The following ATG5 variants were observed in gnomAD, a reference collection of about 807,000 sequenced individuals.
ATG5 encodes the protein autophagy related 5.
A neutral mutation model predicts 36.5 loss-of-function variants in ATG5; 14 were observed. The observed-to-expected ratio is 0.38, with a 90% CI of 0.25 to 0.60. The LOEUF (loss-of-function observed/expected upper bound fraction) is 0.60, where lower values mean the gene tolerates loss of function less well. Among genes scored for constraint, ATG5 ranks in the 20% least tolerant of loss-of-function variants. The pLI is 0.60. For missense variants in ATG5, 195 were observed against 326.7 expected (o/e 0.60, Z 3.11); for synonymous variants, 95 against 101.5 (o/e 0.94, Z 0.38).
chr6:106,295,206 C>T (rs903965183), intron 3 of ATG5, among the ~76,000 whole-genome samples: 3 of 152,078 alleles, frequency 2.0e-5, no homozygotes, highest in Non-Finnish European at 4.4e-5. Flanking sequence ...GACCTTTTAA[C>T]GTCTTCAATT....
intron 1 of ATG5, among the ~76,000 whole-genome samples, chr6:106,323,260 CTTTT>C (rs71274321): frequency 1.4e-4 from 9 of 64,224 alleles, no homozygotes; most frequent in South Asian, 8.7e-4. Context: ...TGGAAAAGTC[CTTTT>C]TTTTTTTTTT....
At chr6:106,262,229 C>G (rs565000291) in intron 5 of ATG5, among the ~76,000 whole-genome samples, 1 of 152,110 alleles carries the variant, frequency 6.6e-6, no homozygotes, top group South Asian at 2.1e-4. Context: ...TGTGCCATGC[C>G]TAATTTTTAT....
At chr6:106,226,084 A>T (rs553369571) in intron 6 of ATG5, among the ~76,000 whole-genome samples, 1 of 152,276 alleles carries the variant, frequency 6.6e-6, no homozygotes, top group South Asian at 2.1e-4. Flanking sequence ...TCCAGTTATA[A>T]ATTGCTTGCC....
At chr6:106,271,319 G>C (rs1191286874) in intron 5 of ATG5, among the ~76,000 whole-genome samples, 1 of 152,140 alleles carries the variant, frequency 6.6e-6, no homozygotes, top group Non-Finnish European at 1.5e-5. Context: ...CAACATGATA[G>C]ATAAAGTGGT....
chr6:106,239,852 G>A (rs1044749341), intron 6 of ATG5, among the ~76,000 whole-genome samples: 2 of 152,184 alleles, frequency 1.3e-5, no homozygotes, highest in African/African-American at 4.8e-5. Context: ...GAATCACACA[G>A]TTTCAACAGA....
chr6:106,301,110 T>G (rs1770189241), intron 3 of ATG5, among the ~76,000 whole-genome samples: 1 of 152,002 alleles, frequency 6.6e-6, no homozygotes, highest in Non-Finnish European at 1.5e-5. Context: ...AATAAGAAAC[T>G]TCACCCCTTA....
intron 1 of ATG5, among the ~76,000 whole-genome samples, chr6:106,317,808 C>T (rs529077246): frequency 1.2e-4 from 19 of 152,296 alleles, no homozygotes; most frequent in Admixed American, 6.5e-4. Context: ...GACCTCACTA[C>T]GTCCTGATTA....
intron 2 of ATG5, among the ~76,000 whole-genome samples, chr6:106,313,557 G>A (rs937450746): frequency 3.9e-5 from 6 of 151,956 alleles, no homozygotes; most frequent in Non-Finnish European, 8.8e-5. Context: ...GAACATAAAC[G>A]AAAAAATACA....
chr6:106,227,454 A>G (rs1045784300), intron 6 of ATG5, among the ~76,000 whole-genome samples: 3 of 152,092 alleles, frequency 2.0e-5, no homozygotes, highest in Non-Finnish European at 2.9e-5. Flanking sequence ...AGATTGGCTG[A>G]ATGTGGTGGT....
At chr6:106,310,835 A>G (rs1770619122) in intron 2 of ATG5, among the ~76,000 whole-genome samples, 1 of 152,170 alleles carries the variant, frequency 6.6e-6, no homozygotes, top group African/African-American at 2.4e-5. Context: ...TTCACTTAAC[A>G]TATGTCTTCA....
intron 5 of ATG5, among the ~76,000 whole-genome samples, chr6:106,251,894 G>A (rs1005084472): frequency 2.6e-5 from 4 of 151,902 alleles, no homozygotes; most frequent in African/African-American, 4.8e-5. Context: ...CAGCTGGAGT[G>A]CAGTGGCGAG....
chr6:106,233,616 G>A (rs1011626447), intron 6 of ATG5, among the ~76,000 whole-genome samples: 3 of 152,108 alleles, frequency 2.0e-5, no homozygotes, highest in East Asian at 1.9e-4. Context: ...GGGTAGTGGC[G>A]GCAGTAGCAG....
chr6:106,267,912 T>G (rs957645403), intron 5 of ATG5, among the ~76,000 whole-genome samples: 7 of 152,182 alleles, frequency 4.6e-5, no homozygotes, highest in Non-Finnish European at 2.9e-5. Context: ...GGTAATACCA[T>G]TCAGGACATA....
intron 4 of ATG5, among the ~76,000 whole-genome samples, chr6:106,289,055 C>A (rs1003002584): frequency 3.9e-5 from 6 of 152,074 alleles, no homozygotes; most frequent in East Asian, 1.9e-4. Context: ...TCTAAGAAGT[C>A]TGGTTAAAAC....
intron 5 of ATG5, among the ~76,000 whole-genome samples, chr6:106,277,109 T>C (rs1055002349): frequency 2.6e-5 from 4 of 152,348 alleles, no homozygotes; most frequent in Middle Eastern, 3.4e-3. Flanking sequence ...ATAAAATGCA[T>C]GCCTTACTTG....
intron 6 of ATG5, among the ~76,000 whole-genome samples, chr6:106,239,217 C>T (rs1396045311): frequency 6.6e-6 from 1 of 151,238 alleles, no homozygotes; most frequent in Non-Finnish European, 1.5e-5. Context: ...TTTTCCAATG[C>T]CATAAATAAC....
intron 6 of ATG5, among the ~76,000 whole-genome samples, chr6:106,216,498 G>T (rs1777042736): frequency 6.6e-6 from 1 of 152,020 alleles, no homozygotes; most frequent in African/African-American, 2.4e-5. Context: ...AGACACAAAA[G>T]GCCATATATT....
intron 4 of ATG5, among the ~76,000 whole-genome samples, chr6:106,280,262 A>G (rs1367724331): frequency 6.6e-6 from 1 of 151,064 alleles, no homozygotes; most frequent in African/African-American, 2.4e-5. Flanking sequence ...AAGAGAAATG[A>G]AAGTATTATG....
At chr6:106,249,571 G>A (rs938201183) in intron 5 of ATG5, among the ~76,000 whole-genome samples, 3 of 151,972 alleles carry the variant, frequency 2.0e-5, no homozygotes, top group South Asian at 2.1e-4. Flanking sequence ...ACACATTTTC[G>A]TGTGGACATA....
Sources: gnomAD v4.1 joint callset for allele counts (sites outside exome capture counted in the v4.1 genomes callset) on GRCh38, gnomAD v4.1.1 for gene constraint, MANE v1.5 for transcripts, NCBI Gene and HGNC (gene_info 2026-07-23, HGNC 2026-07-21) for gene names.